Variants in DIAPH3 observed in about 807,000 individuals in gnomAD.
DIAPH3 encodes the protein protein diaphanous homolog 3.
Under a neutral mutation model 144.3 loss-of-function variants are expected in DIAPH3, and 117 were observed. The observed-to-expected ratio is 0.81, with a 90% confidence interval of 0.70 to 0.95. The LOEUF is 0.95. Ranked by LOEUF, DIAPH3 falls within the 40% of genes least tolerant of loss-of-function variation. The pLI is 0.00. For missense variants in DIAPH3, 1,421 were observed against 1,412.7 expected, an observed-to-expected ratio of 1.01 and a Z score of -0.09; for synonymous variants, 519 against 488.9, an observed-to-expected ratio of 1.06 and a Z score of -0.81.
At chr13:59,698,222 T>C (rs1302638210) in intron 27 of DIAPH3, among the ~76,000 whole-genome samples, 1 of 152,230 alleles carries the variant, frequency 6.6e-6, no homozygotes, top group Admixed American at 6.5e-5. Flanking sequence ...CAACAAGTCA[T>C]GTTGACATTT....
intron 9 of DIAPH3, among the ~76,000 whole-genome samples, chr13:60,003,112 C>T (rs2052617944): frequency 6.6e-6 from 1 of 152,210 alleles, no homozygotes; most frequent in African/African-American, 2.4e-5. Flanking sequence ...GCAACTGTGG[C>T]AGAAGGCTGT....
chr13:60,078,047 T>C (rs921292558), intron 4 of DIAPH3, among the ~76,000 whole-genome samples: 4 of 152,134 alleles, frequency 2.6e-5, no homozygotes, highest in Admixed American at 6.6e-5. Context: ...AAATGAAAAC[T>C]GAGTCTTTGT....
At chr13:59,999,667 G>A (rs2052409399) in intron 9 of DIAPH3, among the ~76,000 whole-genome samples, 1 of 152,128 alleles carries the variant, frequency 6.6e-6, no homozygotes, top group Non-Finnish European at 1.5e-5. Context: ...TTTGGCTCAA[G>A]GATTCCCCAA....
At chr13:59,817,719 C>T (rs2040853004) in intron 24 of DIAPH3, among the ~76,000 whole-genome samples, 1 of 150,834 alleles carries the variant, frequency 6.6e-6, no homozygotes, top group African/African-American at 2.4e-5. Flanking sequence ...TTGGTGTATC[C>T]TTCTTAGTCT....
At chr13:60,156,935 ATATATTTTTTTT>A (rs1374185684) in intron 1 of DIAPH3, among the ~76,000 whole-genome samples, 5 of 52,490 alleles carry the variant, frequency 9.5e-5, no homozygotes, top group African/African-American at 4.3e-4. Flanking sequence ...ATATATATAT[ATATATTTTTTTT>A]TTTTTTTTTT....
intron 24 of DIAPH3, among the ~76,000 whole-genome samples, chr13:59,821,692 TAGAA>T (rs1397582041): frequency 1.3e-5 from 2 of 152,196 alleles, no homozygotes; most frequent in Non-Finnish European, 2.9e-5. Flanking sequence ...ACAGATGTTT[TAGAA>T]AGAAATCTAG....
intron 17 of DIAPH3, among the ~76,000 whole-genome samples, chr13:59,956,004 A>T (rs1022709320): frequency 6.6e-6 from 1 of 152,192 alleles, no homozygotes; most frequent in African/African-American, 2.4e-5. Context: ...TCAAGATGTG[A>T]CTTGGGTGCT....
chr13:59,728,971 C>T (rs894725111), intron 27 of DIAPH3, among the ~76,000 whole-genome samples: 3 of 152,118 alleles, frequency 2.0e-5, no homozygotes, highest in East Asian at 1.9e-4. Flanking sequence ...CTGTGCACCA[C>T]GAAGCCTCCT....
chr13:59,778,445 A>C (rs1205840680), intron 25 of DIAPH3, among the ~76,000 whole-genome samples: 1 of 152,208 alleles, frequency 6.6e-6, no homozygotes, highest in Non-Finnish European at 1.5e-5. Flanking sequence ...AAATTAGCTA[A>C]ATATATGTTG....
At chr13:59,681,086 C>T (rs991373151) in intron 27 of DIAPH3, among the ~76,000 whole-genome samples, 7 of 152,114 alleles carry the variant, frequency 4.6e-5, no homozygotes, top group Admixed American at 1.3e-4. Flanking sequence ...TATAGCTTTA[C>T]TTATTAAAGA....
At chr13:59,804,450 T>A (rs1213190638) in intron 25 of DIAPH3, among the ~76,000 whole-genome samples, 2 of 152,198 alleles carry the variant, frequency 1.3e-5, no homozygotes, top group African/African-American at 4.8e-5. Context: ...TTGTTAAATC[T>A]GTGATCATGT....
chr13:59,700,345 G>A (rs1215735076), intron 27 of DIAPH3, among the ~76,000 whole-genome samples: 4 of 152,086 alleles, frequency 2.6e-5, no homozygotes, highest in African/African-American at 9.7e-5. Flanking sequence ...TGGAATAGAG[G>A]GATGAATGTG....
At chr13:60,128,470 A>G (rs1051361258) in intron 2 of DIAPH3, among the ~76,000 whole-genome samples, 1 of 152,152 alleles carries the variant, frequency 6.6e-6, no homozygotes, top group African/African-American at 2.4e-5. Context: ...GAAAGTGTGT[A>G]TTACTAAACA....
At chr13:59,718,581 C>G (rs1263065339) in intron 27 of DIAPH3, among the ~76,000 whole-genome samples, 1 of 152,116 alleles carries the variant, frequency 6.6e-6, no homozygotes, top group African/African-American at 2.4e-5. Flanking sequence ...AGGGGACCCC[C>G]AAAAGCAAGT....
At chr13:59,877,939 C>T (rs1441770456) in intron 21 of DIAPH3, among the ~76,000 whole-genome samples, 2 of 152,102 alleles carry the variant, frequency 1.3e-5, no homozygotes, top group East Asian at 3.8e-4. Context: ...CCATTTCTCT[C>T]TGAATATCTA....
chr13:60,095,170 T>A (rs2058069597), intron 3 of DIAPH3, among the ~76,000 whole-genome samples: 1 of 152,098 alleles, frequency 6.6e-6, no homozygotes, highest in Non-Finnish European at 1.5e-5. Context: ...AGAGAAAGAA[T>A]CATCCTTAAC....
intron 1 of DIAPH3, among the ~76,000 whole-genome samples, chr13:60,145,443 C>G (rs7320446): frequency 1.3e-5 from 2 of 152,096 alleles, no homozygotes; most frequent in Admixed American, 1.3e-4. Flanking sequence ...GTCAGGAGAT[C>G]GAGACCATCC....
chr13:59,861,292 T>A (rs752789980), intron 22 of DIAPH3, 115 bp downstream of exon 22: 2 of 1,576,590 alleles, frequency 1.3e-6, no homozygotes, highest in Non-Finnish European at 1.7e-6. Context: ...AAATGAGATA[T>A]TGGGTATGAA....
At chr13:59,799,821 T>G (rs1040533406) in intron 25 of DIAPH3, among the ~76,000 whole-genome samples, 1 of 152,244 alleles carries the variant, frequency 6.6e-6, no homozygotes, top group Non-Finnish European at 1.5e-5. Flanking sequence ...GTAAGATTTA[T>G]TATTGAGAAA....
Sources: allele counts gnomAD v4.1 joint callset (sites outside exome capture counted in the v4.1 genomes callset), GRCh38; gene constraint gnomAD v4.1.1; transcripts MANE v1.5; gene names NCBI Gene and HGNC (gene_info 2026-07-23, HGNC 2026-07-21).